The following SCAF8 variants were observed in gnomAD, a reference collection of about 807,000 sequenced individuals.
SCAF8 encodes SR-related and CTD-associated factor 8.
A neutral mutation model predicts 140.5 loss-of-function variants in SCAF8; 23 were observed. The ratio of observed to expected loss-of-function variants is 0.16; its 90% confidence interval spans 0.12 to 0.23. The LOEUF (loss-of-function observed/expected upper bound fraction) is 0.23. Among genes scored for constraint, SCAF8 ranks in the 10% least tolerant of loss-of-function variants. The pLI, the probability that SCAF8 is intolerant of heterozygous loss-of-function variation, is 1.00. For synonymous variants in SCAF8, 575 were observed against 528.9 expected (o/e 1.09, Z -1.20); for missense variants, 1,397 against 1,555.7 (o/e 0.90, Z 1.72).
At chr6:154,772,064 G>T (rs1180964175) in intron 1 of SCAF8, among the ~76,000 whole-genome samples, 1 of 152,102 alleles carries the variant, frequency 6.6e-6, no homozygotes, top group Non-Finnish European at 1.5e-5. Flanking sequence ...GAAAAACTGG[G>T]CAGATTTCTG....
At chr6:154,767,969 AC>A (rs1432334292) in intron 1 of SCAF8, among the ~76,000 whole-genome samples, 1 of 152,124 alleles carries the variant, frequency 6.6e-6, no homozygotes, top group Non-Finnish European at 1.5e-5. Context: ...ATAATGACTT[AC>A]CTTTTTCTCT....
At position 154,809,293 on chromosome 6, in the gene SCAF8, G is replaced by A. The variant is rs958775900; in HGVS notation, c.1226+495G>A. Among the ~76,000 whole-genome samples, 9 of 152,024 alleles carry A rather than the reference G, an allele frequency of 5.9e-5. 1 individual carries two copies. The highest frequency in any genetic ancestry group is 9.6e-5 in the African/African-American group (4 of 41,468). ...AACATTTTTGTATCCTATTTTTTGC[G>A]TATGAATGCCCCTGAAAATCTGAAC... On this transcript the variant is annotated intron_variant, in intron 11 of 19. Transcript: ENST00000367178.
rs563833886 is a variant in SCAF8, at chr6:154,826,037, CTT to C, written c.2072-1134_2072-1133del. Among the ~76,000 whole-genome samples, 433 of 152,052 alleles carry C rather than the reference CTT, an allele frequency of 2.8e-3. 3 individuals are homozygous for C. The highest frequency in any genetic ancestry group is 0.01 in the African/African-American group (423 of 41,486). ...AAATACGGTATGTTGACTTCTGTAA[CTT>C]AAGTTCTTAGATGTTGGGTAGAGTT... On this transcript the variant is annotated intron_variant, in intron 17 of 19. Coordinates refer to ENST00000367178, the MANE Select transcript of SCAF8 (RefSeq NM_014892.5).
intron 1 of SCAF8, among the ~76,000 whole-genome samples, chr6:154,765,667 C>G (rs1354672843): frequency 1.4e-5 from 2 of 146,832 alleles, no homozygotes; most frequent in Admixed American, 1.4e-4. Flanking sequence ...ACCAAGCTAA[C>G]TGAATCACTC....
In SCAF8 at chr6:154,757,909, C is replaced by CTT. The variant is rs750337401; in HGVS notation, c.31-16062_31-16061dup. 7.4e-4 allele frequency among the ~76,000 whole-genome samples: 98 copies of CTT among 132,622 alleles called. 2 individuals carry two copies. Among genetic ancestry groups the CTT allele is most frequent in the African/African-American group, 9.3e-4 (34 of 36,526 alleles). The allele number at this position is 132,622 out of a possible 152,430, so 87.0% of individuals were successfully genotyped here. ...CCTGGGGTATGTGAAGTAAGTTTCA[C>CTT]TTTTTTTTTTTTTTTTTTTGAGTTG... On this transcript the variant is annotated intron_variant, in intron 1 of 19. Coordinates refer to ENST00000367178, the MANE Select transcript of SCAF8 (RefSeq NM_014892.5).
intron 15 of SCAF8, chr6:154,822,068 T>C (rs533426852): frequency 2.2e-4 from 89 of 409,370 alleles, no homozygotes; most frequent in African/African-American, 1.5e-3. Context: ...CTTTCCTTTG[T>C]GTCTCATGTT....
chr6:154,737,510 C>G (rs1463270534), intron 1 of SCAF8, among the ~76,000 whole-genome samples: 1 of 152,052 alleles, frequency 6.6e-6, no homozygotes, highest in Non-Finnish European at 1.5e-5. Context: ...ACCCCCATCT[C>G]TACAAAACAA....
chr6:154,771,407 CGACT>C (rs1272828138), intron 1 of SCAF8, among the ~76,000 whole-genome samples: 1 of 152,014 alleles, frequency 6.6e-6, no homozygotes, highest in Admixed American at 6.6e-5. Flanking sequence ...TGAAAAAAGA[CGACT>C]GTGTGTCTAG....
intron 1 of SCAF8, among the ~76,000 whole-genome samples, chr6:154,755,107 C>T (rs1778933013): frequency 6.6e-6 from 1 of 152,154 alleles, no homozygotes; most frequent in Non-Finnish European, 1.5e-5. Context: ...GCATCCTTCT[C>T]ATTCTTTTTA....
At chr6:154,759,651 A>G (rs1250012218) in intron 1 of SCAF8, among the ~76,000 whole-genome samples, 1 of 148,982 alleles carries the variant, frequency 6.7e-6, no homozygotes, top group African/African-American at 2.5e-5. Context: ...TAGAATCTCC[A>G]GATGTCATAA....
rs374432303 is a variant in SCAF8 at position 154,824,392 on chromosome 6, G to A, written c.2071+14G>A. The A allele has an allele frequency of 1.2e-6, 2 of 1,606,980 alleles. No individual in the cohort carries two copies. The highest frequency in any genetic ancestry group is 2.7e-5 in the African/African-American group (2 of 74,618). The stretch of plus-strand genomic sequence containing the variant: ...AACCACCACCTGGTAAGGAATTTTT[G>A]TTTTAATATTTGAACTCTATTTAGA... On this transcript the variant is annotated intron_variant, in intron 17 of 19. Coordinates refer to ENST00000367178, the MANE Select transcript of SCAF8 (RefSeq NM_014892.5).
At chr6:154,775,511 T>A (rs1330790012) in intron 2 of SCAF8, among the ~76,000 whole-genome samples, 1 of 152,168 alleles carries the variant, frequency 6.6e-6, no homozygotes, top group Non-Finnish European at 1.5e-5. Context: ...GCAAACAGTA[T>A]TTTCTATTTT....
intron 4 of SCAF8, among the ~76,000 whole-genome samples, chr6:154,791,645 TTTA>T: frequency 1.4e-5 from 2 of 141,364 alleles, no homozygotes; most frequent in Non-Finnish European, 3.1e-5. Flanking sequence ...TTTTTGTTTT[TTTA>T]AAAAATGTGT....
At chr6:154,785,500 A>AT (rs1160067688) in intron 3 of SCAF8, among the ~76,000 whole-genome samples, 5 of 152,240 alleles carry the variant, frequency 3.3e-5, no homozygotes, top group African/African-American at 1.2e-4. Flanking sequence ...AGCACTTGGT[A>AT]TTGTTAGATT....
At chr6:154,828,558 C>T (rs908048627) in intron 18 of SCAF8, among the ~76,000 whole-genome samples, 2 of 151,128 alleles carry the variant, frequency 1.3e-5, no homozygotes, top group African/African-American at 2.4e-5. Flanking sequence ...CATCTTTGGA[C>T]GGTGGGAGAC....
At chr6:154,764,690 T>A (rs1224826540) in intron 1 of SCAF8, among the ~76,000 whole-genome samples, 2 of 152,228 alleles carry the variant, frequency 1.3e-5, no homozygotes, top group East Asian at 3.9e-4. Flanking sequence ...ACTGGGTAGC[T>A]GGAGAGCCCA....
intron 1 of SCAF8, among the ~76,000 whole-genome samples, chr6:154,762,378 T>C (rs1776431159): frequency 6.6e-6 from 1 of 152,140 alleles, no homozygotes; most frequent in African/African-American, 2.4e-5. Context: ...AGGACTGAGG[T>C]CTCTTTTTTT....
At chr6:154,766,246 T>G (rs1227518463) in intron 1 of SCAF8, among the ~76,000 whole-genome samples, 1 of 151,868 alleles carries the variant, frequency 6.6e-6, no homozygotes, top group African/African-American at 2.4e-5. Flanking sequence ...GCAAAAGATG[T>G]GGAGGAGAGG....
At chr6:154,751,388 C>G (rs1292806836) in intron 1 of SCAF8, among the ~76,000 whole-genome samples, 1 of 152,132 alleles carries the variant, frequency 6.6e-6, no homozygotes, top group African/African-American at 2.4e-5. Context: ...GCCACCCTGC[C>G]TGGCTAATTT....
Sources: allele counts gnomAD v4.1 joint callset (sites outside exome capture counted in the v4.1 genomes callset), GRCh38; gene constraint gnomAD v4.1.1; transcripts MANE v1.5; gene names NCBI Gene and HGNC (gene_info 2026-07-23, HGNC 2026-07-21).